Variants in GRM5 observed in about 807,000 individuals in gnomAD.
GRM5 encodes the protein glutamate metabotropic receptor 5.
GRM5 carries 19 observed loss-of-function variants against 83.1 expected under a neutral mutation model. That is an observed-to-expected ratio of 0.23 (90% CI 0.16 to 0.34). GRM5 has a LOEUF of 0.34. GRM5 is among the 10% of genes least tolerant of loss of function. The pLI is 1.00. For synonymous variants in GRM5, 675 were observed against 633.6 expected (o/e 1.07, Z -0.98); for missense variants, 1,160 against 1,588.3 (o/e 0.73, Z 4.58).
intron 2 of GRM5, among the ~76,000 whole-genome samples, chr11:88,988,230 C>T (rs569661150): frequency 5.9e-5 from 9 of 151,894 alleles, no homozygotes; most frequent in South Asian, 2.1e-4. Flanking sequence ...CCTCAGTAGC[C>T]GATGCAATCA....
At chr11:88,795,920 A>G (rs1465555510) in intron 3 of GRM5, among the ~76,000 whole-genome samples, 1 of 152,232 alleles carries the variant, frequency 6.6e-6, no homozygotes, top group Non-Finnish European at 1.5e-5. Flanking sequence ...AAAAAAGAAA[A>G]ACAATTAGCT....
chr11:88,958,268 G>T (rs1298019204), intron 2 of GRM5, among the ~76,000 whole-genome samples: 1 of 149,980 alleles, frequency 6.7e-6, no homozygotes, highest in African/African-American at 2.4e-5. Context: ...TAATGTATAT[G>T]AATTTTTCTT....
intron 2 of GRM5, among the ~76,000 whole-genome samples, chr11:88,902,722 G>A (rs1945331941): frequency 6.6e-6 from 1 of 152,052 alleles, no homozygotes; most frequent in South Asian, 2.1e-4. Flanking sequence ...TTGGGAGGCC[G>A]AAGCAGGCGG....
At chr11:88,717,837 ATC>A (rs1212548990) in intron 3 of GRM5, among the ~76,000 whole-genome samples, 1 of 147,726 alleles carries the variant, frequency 6.8e-6, no homozygotes, top group Non-Finnish European at 1.5e-5. Flanking sequence ...TGCTCAAAAC[ATC>A]TCTGTTTTCA....
chr11:88,795,449 T>C lies in GRM5; in HGVS notation c.911+54457A>G, dbSNP rs143488705. ...AAAATAAGTTGACCATGAACAAAGA[T>C]ACTCTACTAGGATGGATCATATACT... On this transcript the variant is annotated intron_variant, in intron 3 of 9. Transcript: ENST00000305447. Among the ~76,000 whole-genome samples, 326 of 152,290 alleles carry C rather than the reference T, an allele frequency of 2.1e-3. 3 individuals are homozygous for C. Among genetic ancestry groups the C allele is most frequent in the African/African-American group, 7.3e-3 (304 of 41,566 alleles).
intron 3 of GRM5, among the ~76,000 whole-genome samples, chr11:88,721,174 C>T (rs749048570): frequency 2.0e-5 from 3 of 151,986 alleles, no homozygotes; most frequent in Non-Finnish European, 4.4e-5. Context: ...TTTAGCACCA[C>T]GATGGTGATA....
At chr11:88,627,003 A>C (rs954219374) in intron 4 of GRM5, among the ~76,000 whole-genome samples, 4 of 152,198 alleles carry the variant, frequency 2.6e-5, no homozygotes, top group Non-Finnish European at 5.9e-5. Context: ...CCACTGTGTC[A>C]ATGTTATTTT....
chr11:88,764,082 G>C (rs142796958), intron 3 of GRM5, among the ~76,000 whole-genome samples: 47 of 151,676 alleles, frequency 3.1e-4, no homozygotes, highest in Non-Finnish European at 5.2e-4. Context: ...ATTACTGTTA[G>C]AAAAAAGAGA....
intron 3 of GRM5, among the ~76,000 whole-genome samples, chr11:88,750,055 T>A (rs1942233129): frequency 6.6e-6 from 1 of 152,126 alleles, no homozygotes; most frequent in African/African-American, 2.4e-5. Flanking sequence ...CCAGCTAGCA[T>A]AATGATGATA....
intron 2 of GRM5, among the ~76,000 whole-genome samples, chr11:88,949,920 A>G (rs1938403806): frequency 6.6e-6 from 1 of 152,130 alleles, no homozygotes. Context: ...GCTGGAGTGC[A>G]GTGGCACAGT....
intron 3 of GRM5, among the ~76,000 whole-genome samples, chr11:88,819,529 T>C (rs867155139): frequency 1.1e-4 from 17 of 152,212 alleles, no homozygotes; most frequent in African/African-American, 2.9e-4. Flanking sequence ...TCAATAGTCA[T>C]TTTTTGAAAC....
At chr11:88,862,089 A>G (rs1944574304) in intron 2 of GRM5, among the ~76,000 whole-genome samples, 2 of 152,178 alleles carry the variant, frequency 1.3e-5, no homozygotes, top group African/African-American at 4.8e-5. Flanking sequence ...TCATTGTGAT[A>G]TAAAAGCACT....
At chr11:88,948,127 T>G (rs1466987292) in intron 2 of GRM5, among the ~76,000 whole-genome samples, 2 of 152,196 alleles carry the variant, frequency 1.3e-5, no homozygotes, top group African/African-American at 4.8e-5. Context: ...TTATCTGTTT[T>G]ACATATTGGC....
intron 4 of GRM5, among the ~76,000 whole-genome samples, chr11:88,650,141 GA>G (rs2135301752): frequency 6.6e-6 from 1 of 151,830 alleles, no homozygotes. Flanking sequence ...AATGTTAAGA[GA>G]AAAGGAATAA....
At chr11:88,858,613 GACA>G (rs1217082137) in intron 2 of GRM5, among the ~76,000 whole-genome samples, 1 of 151,944 alleles carries the variant, frequency 6.6e-6, no homozygotes, top group Non-Finnish European at 1.5e-5. Flanking sequence ...ACATGTTGAG[GACA>G]ACAAGTTTGA....
intron 2 of GRM5, among the ~76,000 whole-genome samples, chr11:89,009,767 A>G (rs1324954501): frequency 1.8e-4 from 27 of 150,684 alleles, no homozygotes; most frequent in African/African-American, 5.1e-4. Context: ...CGGGCGTGGT[A>G]GCGGGCGCCT....
At chr11:88,880,704 C>T (rs185605374) in intron 2 of GRM5, among the ~76,000 whole-genome samples, 1 of 152,100 alleles carries the variant, frequency 6.6e-6, no homozygotes, top group Non-Finnish European at 1.5e-5. Context: ...AATTTGTTAT[C>T]CTATCGGGAA....
chr11:88,903,381 C>A (rs1590952104), intron 2 of GRM5, among the ~76,000 whole-genome samples: 1 of 152,192 alleles, frequency 6.6e-6, no homozygotes, highest in East Asian at 1.9e-4. Flanking sequence ...TTTGATTCAG[C>A]AATCCCACTA....
intron 3 of GRM5, among the ~76,000 whole-genome samples, chr11:88,776,354 C>G (rs1942848820): frequency 6.6e-6 from 1 of 152,114 alleles, no homozygotes; most frequent in African/African-American, 2.4e-5. Context: ...AGATGGGTCT[C>G]CTGCCTACAG....
Sources: allele counts gnomAD v4.1 joint callset (sites outside exome capture counted in the v4.1 genomes callset), GRCh38; gene constraint gnomAD v4.1.1; transcripts MANE v1.5; gene names NCBI Gene and HGNC (gene_info 2026-07-23, HGNC 2026-07-21).